MRC2: variants seen among roughly 807,000 people sequenced by gnomAD.
The protein encoded by MRC2 is C-type mannose receptor 2.
In MRC2, 84 loss-of-function variants were observed where a neutral mutation model predicts 206.2. That is an observed-to-expected ratio of 0.41 (90% CI 0.34 to 0.49). The LOEUF is 0.49. MRC2 is among the 20% of genes least tolerant of loss of function. The pLI is 0.31. For synonymous variants in MRC2, 798 were observed against 800.0 expected (o/e 1.00, Z 0.04); for missense variants, 1,676 against 2,001.5 (o/e 0.84, Z 3.10).
Position 62,679,830 on chromosome 17 carries a change from C to G in MRC2, c.2226C>G (p.His742Gln), listed in dbSNP as rs1203970202. The change falls in exon 14 of 30, where the codon CAC (histidine) becomes CAG (glutamine). Residue 742 changes from histidine (H) to glutamine (Q), a missense_variant. His to Gln is a conservative substitution (Grantham distance 24, BLOSUM62 0). Coordinates refer to ENST00000303375, the MANE Select transcript of MRC2 (RefSeq NM_006039.5). ...CAGAACCCGAGATCCACGAGCAGCA[C>G]TGGTTCTGGATCGGCCTGAACCGTC... ...GESEPEIHEQ[H>Q]WFWIGLNRRD... 2 of 1,614,056 alleles carry G rather than the reference C, an allele frequency of 1.2e-6. No homozygotes were observed. The highest frequency in any genetic ancestry group is 1.1e-5 in the South Asian group (1 of 91,076).
chr17:62,634,553 C>G (rs921407187), intron 1 of MRC2, among the ~76,000 whole-genome samples: 4 of 152,196 alleles, frequency 2.6e-5, no homozygotes, highest in African/African-American at 9.6e-5. Context: ...CCTGCCTCAG[C>G]CTCCCAAAGT....
chr17:62,658,818 A>G (rs923187307), intron 1 of MRC2, among the ~76,000 whole-genome samples: 3 of 152,100 alleles, frequency 2.0e-5, no homozygotes, highest in Admixed American at 2.0e-4. Flanking sequence ...ATTTTCTGTT[A>G]CTACTGCCTG....
chr17:62,690,375 T>C, intron 26 of MRC2, 70 bp downstream of exon 26: 1 of 1,529,376 alleles, frequency 6.5e-7, no homozygotes, highest in Non-Finnish European at 8.8e-7. Context: ...CTCAGACCCA[T>C]GAGTACATCC....
At chr17:62,660,467 G>T (rs2088667230) in intron 1 of MRC2, among the ~76,000 whole-genome samples, 1 of 152,152 alleles carries the variant, frequency 6.6e-6, no homozygotes, top group African/African-American at 2.4e-5. Context: ...TTGCTATCTG[G>T]TGCTGAGGAA....
At position 62,669,973 on chromosome 17, in the gene MRC2, G is replaced by C. The variant is rs915142057; in HGVS notation, c.1118-1676G>C. Among the ~76,000 whole-genome samples the C allele has an allele frequency of 2.4e-4, 37 of 152,170 alleles. 1 individual carries two copies. Among genetic ancestry groups the C allele is most frequent in the Non-Finnish European group, 1.2e-4 (8 of 68,020 alleles). Reference sequence around the variant, plus strand: ...CCACCTCTAGCTGGAGGGAGCCTTGGGCCCTAGTCCAGTCCTCCCACAAGC... The same window carrying C: ...CCACCTCTAGCTGGAGGGAGCCTTGCGCCCTAGTCCAGTCCTCCCACAAGC... On this transcript the variant is annotated intron_variant, in intron 6 of 29. Transcript: ENST00000303375.
At chr17:62,638,564 C>T (rs2088356459) in intron 1 of MRC2, among the ~76,000 whole-genome samples, 1 of 151,790 alleles carries the variant, frequency 6.6e-6, no homozygotes, top group African/African-American at 2.4e-5. Flanking sequence ...ATGGTGAAAC[C>T]CTGTCTCTAC....
chr17:62,639,426 A>G (rs2088371258), intron 1 of MRC2, among the ~76,000 whole-genome samples: 1 of 152,216 alleles, frequency 6.6e-6, no homozygotes, highest in Admixed American at 6.5e-5. Flanking sequence ...AACTAGCAAA[A>G]ACAGAAAAGC....
intron 20 of MRC2, among the ~76,000 whole-genome samples, chr17:62,682,683 C>T (rs1261719547): frequency 7.9e-5 from 12 of 151,502 alleles, no homozygotes; most frequent in Admixed American, 3.3e-4. Context: ...CTCTTGTCAC[C>T]CAGGCTGGAG....
rs1324075363 is a variant in MRC2, at chr17:62,627,741, GCCACAGCGCGTTGCGCCTGTGCGCC to G, written c.-60_-36del. 9.4e-6 allele frequency: 12 copies of G among 1,273,504 alleles called. No individual in the cohort carries two copies. The Admixed American group carries it at 4.5e-4, about 47-fold the overall frequency. The allele number at this position is 1,273,504 out of a possible 1,614,324, so 78.9% of individuals were successfully genotyped here. A position where few individuals can be genotyped will look rare whatever the true frequency, so the allele number is the denominator to read the frequency against. On this transcript the variant is annotated 5_prime_UTR_variant, in exon 1 of 30. Transcript: ENST00000303375. The stretch of plus-strand genomic sequence containing the variant: ...GTCATCACAGCCCAGCCTCGGGGCT[GCCACAGCGCGTTGCGCCTGTGCGCC>G]CTCGGTCCCCGCGTCCACTGAGCGC...
rs764625039 is a variant in MRC2, at chr17:62,671,520, G to A, written c.1118-129G>A. 8 of 785,472 alleles carry A rather than the reference G, an allele frequency of 1.0e-5. No homozygotes were observed. Among genetic ancestry groups the A allele is most frequent in the East Asian group, 2.8e-5 (1 of 35,826 alleles). 48.7% of individuals were successfully genotyped at this position (785,472 alleles called of 1,614,324 possible). A position where few individuals can be genotyped will look rare whatever the true frequency, so the allele number is the denominator to read the frequency against. The stretch of plus-strand genomic sequence containing the variant: ...ATTTCCAAGACCTGTGGTGGGGACC[G>A]GGATTGATCTGGGAGAGTTTGGAGA... On this transcript the variant is annotated intron_variant, in intron 6 of 29. Transcript: ENST00000303375. This position sits in a 1 kb window ranked among gnomAD's most constrained non-coding sequence, Gnocchi z 4.5.
At chr17:62,660,176 A>G (rs1330775839) in intron 1 of MRC2, among the ~76,000 whole-genome samples, 1 of 152,202 alleles carries the variant, frequency 6.6e-6, no homozygotes, top group Non-Finnish European at 1.5e-5. Context: ...AGAGGAAAAA[A>G]TCCTTGAAAG....
intron 1 of MRC2, among the ~76,000 whole-genome samples, chr17:62,632,954 C>T (rs181626237): frequency 6.6e-6 from 1 of 152,008 alleles, no homozygotes; most frequent in African/African-American, 2.4e-5. Flanking sequence ...GGCAGTGTTT[C>T]CCCCCGTCAG....
At position 62,672,027 on chromosome 17, in the gene MRC2, G is replaced by A. The variant is rs560392939; in HGVS notation, c.1336G>A (p.Asp446Asn). 7 of 1,614,110 alleles carry A rather than the reference G, an allele frequency of 4.3e-6. No homozygotes were observed. The highest frequency in any genetic ancestry group is 1.3e-5 in the African/African-American group (1 of 75,028). ...EVEELWIGLN[D>N]LKLQMNFEWS... ...GGAGGAGCTGTGGATCGGCCTCAACGATTTGAAACTGCAGATGAATTTTGA... is the reference window on the plus strand; with the variant it reads ...GGAGGAGCTGTGGATCGGCCTCAACAATTTGAAACTGCAGATGAATTTTGA... The change falls in exon 8 of 30, where the codon GAT (aspartate) becomes AAT (asparagine). Residue 446 changes from aspartate (D) to asparagine (N), a missense_variant. Transcript: ENST00000303375. This position sits in a 1 kb window ranked among gnomAD's most constrained non-coding sequence, Gnocchi z 4.5.
chr17:62,640,058 C>CG (rs1555675267), intron 1 of MRC2, among the ~76,000 whole-genome samples: 1 of 127,896 alleles, frequency 7.8e-6, no homozygotes, highest in Non-Finnish European at 1.6e-5. Context: ...TTAGTAGAGA[C>CG]GGGGGTTTCT....
chr17:62,680,637 AGCCTGGG>A lies in MRC2; in HGVS notation c.2474-149_2474-143del, dbSNP rs898608691. On this transcript the variant is annotated intron_variant, in intron 16 of 29. Transcript: ENST00000303375. This position sits in a 1 kb window ranked among gnomAD's most constrained non-coding sequence, Gnocchi z 4.8. Reference sequence around the variant, plus strand: ...TTGCTTCCGTGTGGGAGGCGAGGCAAGCCTGGGGCCTGGGGCCTGGCACGGTGCCTGC... The same window carrying A: ...TTGCTTCCGTGTGGGAGGCGAGGCAAGCCTGGGGCCTGGCACGGTGCCTGC... 5 of 1,261,632 alleles carry A rather than the reference AGCCTGGG, an allele frequency of 4.0e-6. No individual in the cohort carries two copies. Among genetic ancestry groups the A allele is most frequent in the Admixed American group, 2.7e-5 (1 of 36,646 alleles). 78.2% of individuals were successfully genotyped at this position (1,261,632 alleles called of 1,614,324 possible). A position where few individuals can be genotyped will look rare whatever the true frequency, so the allele number is the denominator to read the frequency against.
intron 1 of MRC2, among the ~76,000 whole-genome samples, chr17:62,640,969 A>G (rs1006844466): frequency 6.6e-6 from 1 of 151,366 alleles, no homozygotes; most frequent in African/African-American, 2.4e-5. Context: ...CAGCCTCCCA[A>G]AGTGCTGAGA....
chr17:62,632,677 G>T (rs2429403), intron 1 of MRC2, among the ~76,000 whole-genome samples: 1 of 151,922 alleles, frequency 6.6e-6, no homozygotes, highest in Non-Finnish European at 1.5e-5. Context: ...TGGGGAGGAC[G>T]CTGAGGGAGC....
chr17:62,632,046 C>T (rs1006612199), intron 1 of MRC2, among the ~76,000 whole-genome samples: 2 of 152,100 alleles, frequency 1.3e-5, no homozygotes, highest in Non-Finnish European at 2.9e-5. Flanking sequence ...CGCTTTCCCA[C>T]GCCTGGGTCC....
chr17:62,666,979 G>A lies in MRC2; in HGVS notation c.973+109G>A, dbSNP rs1417819368. On this transcript the variant is annotated intron_variant, in intron 5 of 29. Coordinates refer to ENST00000303375, the MANE Select transcript of MRC2 (RefSeq NM_006039.5). This position sits in a 1 kb window ranked among gnomAD's most constrained non-coding sequence, Gnocchi z 5.0. ...CCTGCAGAGGGGCAGTGTGGGTAGG[G>A]GAAGCACCGACCTCCACCCCCCTCC... The A allele has an allele frequency of 2.3e-6, 2 of 858,246 alleles. No individual in the cohort carries two copies. The highest frequency in any genetic ancestry group is 3.7e-6 in the Non-Finnish European group (2 of 539,506). 53.2% of individuals were successfully genotyped at this position (858,246 alleles called of 1,614,324 possible).
Sources: gnomAD v4.1 joint callset for allele counts (sites outside exome capture counted in the v4.1 genomes callset) on GRCh38, gnomAD v4.1.1 for gene constraint, Gnocchi (gnomAD v3.1) non-coding constraint, MANE v1.5 for transcripts, NCBI Gene and HGNC (gene_info 2026-07-23, HGNC 2026-07-21) for gene names.